Variants in DIP2C observed in about 807,000 individuals in gnomAD.
The protein encoded by DIP2C is disco-interacting protein 2 homolog C.
A neutral mutation model predicts 192.4 loss-of-function variants in DIP2C; 33 were observed. That is an observed-to-expected ratio of 0.17 (90% CI 0.13 to 0.23). The LOEUF is 0.23. Among genes scored for constraint, DIP2C ranks in the 10% least tolerant of loss-of-function variants. The pLI, the probability that DIP2C is intolerant of heterozygous loss-of-function variation, is 1.00. For synonymous variants in DIP2C, 979 were observed against 864.1 expected (o/e 1.13, Z -2.33); for missense variants, 1,537 against 2,110.1 (o/e 0.73, Z 5.32).
At chr10:452,071 C>G (rs141934429) in intron 3 of DIP2C, among the ~76,000 whole-genome samples, 2 of 152,118 alleles carry the variant, frequency 1.3e-5, no homozygotes, top group Non-Finnish European at 2.9e-5. Flanking sequence ...CACAGCTGAC[C>G]CACAGGATCG....
intron 24 of DIP2C, among the ~76,000 whole-genome samples, chr10:350,621 C>T (rs964625582): frequency 1.3e-5 from 2 of 148,266 alleles, no homozygotes; most frequent in African/African-American, 2.5e-5. Flanking sequence ...ACTGAACACC[C>T]GGGCTCAGGA....
chr10:521,920 C>T (rs1363775069), intron 1 of DIP2C, among the ~76,000 whole-genome samples: 1 of 152,022 alleles, frequency 6.6e-6, no homozygotes, highest in African/African-American at 2.4e-5. Context: ...AATGACAGAC[C>T]CGCATCAACA....
At chr10:365,771 T>G (rs769971748) in intron 19 of DIP2C, among the ~76,000 whole-genome samples, 4 of 152,222 alleles carry the variant, frequency 2.6e-5, no homozygotes, top group Admixed American at 6.5e-5. Flanking sequence ...ACATGCATAC[T>G]TGCTTGTGCC....
At chr10:590,137 G>A (rs553139231) in intron 1 of DIP2C, among the ~76,000 whole-genome samples, 12 of 152,330 alleles carry the variant, frequency 7.9e-5, no homozygotes, top group Admixed American at 6.5e-4. Context: ...TGAGAGGCAC[G>A]GAACTGTGAA....
At chr10:335,211 G>A (rs1398235843) in intron 29 of DIP2C, among the ~76,000 whole-genome samples, 1 of 152,144 alleles carries the variant, frequency 6.6e-6, no homozygotes, top group African/African-American at 2.4e-5. Context: ...CAAATTATTT[G>A]TGTTACTTAA....
At chr10:526,533 A>AT (rs1847063814) in intron 1 of DIP2C, among the ~76,000 whole-genome samples, 1 of 85,702 alleles carries the variant, frequency 1.2e-5, no homozygotes. Context: ...ACCCCACCAA[A>AT]AAAAAAAAAA....
Position 417,899 on chromosome 10 carries a change from C to T in DIP2C, c.739+1166G>A, listed in dbSNP as rs202215638. ...CTGTCCACCTGCACCTGTCAGGGCTCGGATAGGCCTCCCTGTCCACCTGTT... is the reference window on the plus strand; with the variant it reads ...CTGTCCACCTGCACCTGTCAGGGCTTGGATAGGCCTCCCTGTCCACCTGTT... On this transcript the variant is annotated intron_variant, in intron 6 of 36. Transcript: ENST00000280886. 1.1e-3 allele frequency among the ~76,000 whole-genome samples: 73 copies of T among 64,556 alleles called. 8 individuals are homozygous for T. Among genetic ancestry groups the T allele is most frequent in the Non-Finnish European group, 1.3e-3 (42 of 33,228 alleles). The allele number at this position is 64,556 out of a possible 152,430, so 42.4% of individuals were successfully genotyped here.
chr10:429,734 A>G (rs1262363489), intron 4 of DIP2C, among the ~76,000 whole-genome samples: 1 of 151,848 alleles, frequency 6.6e-6, no homozygotes, highest in Non-Finnish European at 1.5e-5. Flanking sequence ...TCAGCATCCA[A>G]TAATATCCCA....
At chr10:578,471 A>G (rs993120715) in intron 1 of DIP2C, among the ~76,000 whole-genome samples, 1 of 152,180 alleles carries the variant, frequency 6.6e-6, no homozygotes, top group East Asian at 1.9e-4. Flanking sequence ...CGTTTCTCTC[A>G]TCTGGGGATG....
At chr10:476,955 A>G (rs1843078766) in intron 2 of DIP2C, among the ~76,000 whole-genome samples, 2 of 151,736 alleles carry the variant, frequency 1.3e-5, no homozygotes, top group South Asian at 4.2e-4. Context: ...TGGCCACAGG[A>G]TGGGCTCGGG....
At chr10:329,043 A>G (rs1025261126) in intron 30 of DIP2C, among the ~76,000 whole-genome samples, 1 of 152,238 alleles carries the variant, frequency 6.6e-6, no homozygotes, top group African/African-American at 2.4e-5. Flanking sequence ...AGGGAAAATA[A>G]AAGTGAGCGG....
At chr10:431,531 C>T (rs999337900) in intron 4 of DIP2C, among the ~76,000 whole-genome samples, 7 of 152,272 alleles carry the variant, frequency 4.6e-5, no homozygotes, top group African/African-American at 1.7e-4. Flanking sequence ...AAGTGTTCTG[C>T]CTGCCTTGGC....
chr10:304,906 C>T (rs1050131876), intron 32 of DIP2C, among the ~76,000 whole-genome samples: 1 of 152,132 alleles, frequency 6.6e-6, no homozygotes, highest in Non-Finnish European at 1.5e-5. Context: ...CTTGCATGTA[C>T]TCGTGTGCAC....
intron 3 of DIP2C, among the ~76,000 whole-genome samples, chr10:456,351 G>A (rs34558586): frequency 7.9e-5 from 10 of 126,992 alleles, no homozygotes; most frequent in Admixed American, 1.5e-4. Flanking sequence ...CTGAGGGGAG[G>A]CCGTGAGGAG....
chr10:477,755 G>A (rs1310753696), intron 2 of DIP2C, among the ~76,000 whole-genome samples: 2 of 100,686 alleles, frequency 2.0e-5, no homozygotes, highest in Non-Finnish European at 4.5e-5. Context: ...GAAAGAAAAG[G>A]AGAGAGAAGA....
chr10:540,708 TACC>T (rs1223891918), intron 1 of DIP2C, among the ~76,000 whole-genome samples: 1 of 152,230 alleles, frequency 6.6e-6, no homozygotes, highest in Non-Finnish European at 1.5e-5. Flanking sequence ...TATGTAATTT[TACC>T]ACAATAAAAA....
chr10:593,614 C>T (rs1368698774), intron 1 of DIP2C, among the ~76,000 whole-genome samples: 1 of 151,764 alleles, frequency 6.6e-6, no homozygotes, highest in Non-Finnish European at 1.5e-5. Context: ...AAAGCTGGGC[C>T]AAGCATGGAG....
At chr10:349,611 G>C (rs1358674733) in intron 24 of DIP2C, among the ~76,000 whole-genome samples, 157 bp from the exon 25 acceptor site, 2 of 152,208 alleles carry the variant, frequency 1.3e-5, no homozygotes, top group Non-Finnish European at 2.9e-5. Flanking sequence ...GTCAATTTTA[G>C]AACGTTTTTA....
chr10:409,165 GGGAACT>G, intron 8 of DIP2C, 148 bp from the exon 9 acceptor site: 1 of 662,574 alleles, frequency 1.5e-6, no homozygotes, highest in Non-Finnish European at 2.5e-6. Context: ...TGAGCAAAGG[GGGAACT>G]GGTAGGCAAG....
Sources: gnomAD v4.1 joint callset for allele counts (sites outside exome capture counted in the v4.1 genomes callset) on GRCh38, gnomAD v4.1.1 for gene constraint, MANE v1.5 for transcripts, NCBI Gene and HGNC (gene_info 2026-07-23, HGNC 2026-07-21) for gene names.